Variants in EPB41L4A observed in about 807,000 individuals in gnomAD.
EPB41L4A encodes the protein erythrocyte membrane protein band 4.1 like 4A.
A neutral mutation model predicts 108.6 loss-of-function variants in EPB41L4A; 100 were observed. The observed-to-expected ratio is 0.92, with a 90% CI of 0.78 to 1.09. The LOEUF (loss-of-function observed/expected upper bound fraction) is 1.09, where lower values mean the gene tolerates loss of function less well. Ranked by LOEUF, EPB41L4A falls within the 50% of genes least tolerant of loss-of-function variation. The pLI, the probability that EPB41L4A is intolerant of heterozygous loss-of-function variation, is 0.00. For synonymous variants in EPB41L4A, 319 were observed against 289.0 expected (o/e 1.10, Z -1.05); for missense variants, 1,030 against 842.7 (o/e 1.22, Z -2.75).
intron 9 of EPB41L4A, among the ~76,000 whole-genome samples, chr5:112,241,216 C>A (rs944891492): frequency 3.2e-4 from 48 of 152,034 alleles, no homozygotes; most frequent in African/African-American, 1.1e-3. Flanking sequence ...CAGGGATGAA[C>A]AAGTCACACA....
chr5:112,153,576 TAGAG>T (rs67890908), intron 12 of EPB41L4A, among the ~76,000 whole-genome samples: 13 of 147,538 alleles, frequency 8.8e-5, no homozygotes, highest in African/African-American at 2.5e-4. Flanking sequence ...CATATATATA[TAGAG>T]AGAGAGAGAG....
chr5:112,365,247 T>C (rs2112506953), intron 1 of EPB41L4A, among the ~76,000 whole-genome samples: 1 of 152,280 alleles, frequency 6.6e-6, no homozygotes, highest in Non-Finnish European at 1.5e-5. Context: ...TGGAGTGCAG[T>C]GGCTATTCAC....
At chr5:112,411,224 G>C (rs920110292) in intron 1 of EPB41L4A, among the ~76,000 whole-genome samples, 2 of 152,082 alleles carry the variant, frequency 1.3e-5, no homozygotes, top group Non-Finnish European at 2.9e-5. Context: ...AGAAAATAAG[G>C]AAGTTGGGAC....
At chr5:112,355,629 G>A (rs534859134) in intron 1 of EPB41L4A, among the ~76,000 whole-genome samples, 8 of 152,158 alleles carry the variant, frequency 5.3e-5, no homozygotes, top group South Asian at 4.2e-4. Context: ...ACCCTCTCCC[G>A]ATACAACCAC....
rs185047379 is a variant in EPB41L4A at position 112,384,841 on chromosome 5, G to C, written c.99+34100C>G. Among the ~76,000 whole-genome samples, 11 of 152,268 alleles carry C rather than the reference G, an allele frequency of 7.2e-5. No homozygotes were observed. The East Asian group carries it at 1.3e-3, about 19-fold the overall frequency. Reference sequence around the variant, plus strand: ...GAAAAGAAATAATGGAATCACAATGGAATTTTGCCTCTGTTTTAGAGACAT... The same window carrying C: ...GAAAAGAAATAATGGAATCACAATGCAATTTTGCCTCTGTTTTAGAGACAT... On this transcript the variant is annotated intron_variant, in intron 1 of 22. Transcript: ENST00000261486.
At chr5:112,258,901 T>G (rs1751299451) in intron 9 of EPB41L4A, among the ~76,000 whole-genome samples, 1 of 152,204 alleles carries the variant, frequency 6.6e-6, no homozygotes, top group Admixed American at 6.5e-5. Flanking sequence ...GGCTATACCC[T>G]TCTGATTATA....
At chr5:112,277,567 A>T (rs1301031647) in intron 3 of EPB41L4A, among the ~76,000 whole-genome samples, 1 of 152,208 alleles carries the variant, frequency 6.6e-6, no homozygotes, top group Non-Finnish European at 1.5e-5. Flanking sequence ...TGCAAGGCAC[A>T]TTAAACTCCA....
At chr5:112,187,028 C>T (rs1422187302) in intron 17 of EPB41L4A, among the ~76,000 whole-genome samples, 4 of 152,136 alleles carry the variant, frequency 2.6e-5, no homozygotes, top group South Asian at 2.1e-4. Flanking sequence ...TTGCTCCTTT[C>T]CTGCTCTATT....
chr5:112,151,317 G>T (rs902297353), intron 12 of EPB41L4A, among the ~76,000 whole-genome samples: 3 of 149,218 alleles, frequency 2.0e-5, no homozygotes, highest in African/African-American at 7.4e-5. Flanking sequence ...TGGGGTAAAG[G>T]GTAGCTAGCA....
chr5:112,158,950 G>A (rs182608241), downstream of EPB41L4A, among the ~76,000 whole-genome samples: 31 of 152,280 alleles, frequency 2.0e-4, no homozygotes, highest in East Asian at 5.6e-3. Flanking sequence ...TGTGCCTTTC[G>A]CTGTCTTTAA....
intron 1 of EPB41L4A, among the ~76,000 whole-genome samples, chr5:112,342,397 G>A (rs1238200420): frequency 6.6e-6 from 1 of 152,144 alleles, no homozygotes; most frequent in African/African-American, 2.4e-5. Context: ...CATAGAAATT[G>A]TGCTCAGCAC....
chr5:112,369,843 G>A (rs1036774705), intron 1 of EPB41L4A, among the ~76,000 whole-genome samples: 4 of 152,094 alleles, frequency 2.6e-5, no homozygotes, highest in African/African-American at 7.2e-5. Flanking sequence ...AAGGCTCACT[G>A]GCCTCCACAC....
chr5:112,242,531 G>A (rs2150386560), intron 9 of EPB41L4A, among the ~76,000 whole-genome samples: 1 of 152,238 alleles, frequency 6.6e-6, no homozygotes, highest in African/African-American at 2.4e-5. Flanking sequence ...AAGTCATCGT[G>A]GGGGTAGAAA....
chr5:112,234,311 G>C (rs868745590), intron 12 of EPB41L4A, among the ~76,000 whole-genome samples: 1 of 151,862 alleles, frequency 6.6e-6, no homozygotes, highest in East Asian at 1.9e-4. Flanking sequence ...GGGCCCAGGA[G>C]GTCAAGGCAG....
chr5:112,345,822 C>T (rs79450954), intron 1 of EPB41L4A, among the ~76,000 whole-genome samples: 22,657 of 146,492 alleles, frequency 0.15, 1,847 homozygotes, highest in East Asian at 0.3. Context: ...CACACACACA[C>T]GCACACATAA....
chr5:112,179,906 C>T (rs1393769763), intron 18 of EPB41L4A, among the ~76,000 whole-genome samples: 2 of 152,020 alleles, frequency 1.3e-5, no homozygotes, highest in South Asian at 2.1e-4. Context: ...CGCAGAAAAT[C>T]GTAAGAAACT....
intron 1 of EPB41L4A, among the ~76,000 whole-genome samples, chr5:112,404,734 G>A (rs1761983314): frequency 6.6e-6 from 1 of 152,150 alleles, no homozygotes. Context: ...TTAAGTTCCG[G>A]ATGGTTAGAA....
At chr5:112,409,982 G>A (rs951066202) in intron 1 of EPB41L4A, among the ~76,000 whole-genome samples, 1 of 152,166 alleles carries the variant, frequency 6.6e-6, no homozygotes, top group Non-Finnish European at 1.5e-5. Flanking sequence ...AGGTGAGCAG[G>A]AAAGTACAAA....
In EPB41L4A at chr5:112,419,049, G is replaced by C. The variant is rs1372059230; in HGVS notation, c.-10C>G. 6.2e-7 allele frequency: 1 copy of C among 1,609,228 alleles called. No individual in the cohort carries two copies. Among genetic ancestry groups the C allele is most frequent in the East Asian group, 2.2e-5 (1 of 44,704 alleles). On this transcript the variant is annotated 5_prime_UTR_variant, in exon 1 of 23. Transcript: ENST00000261486. ...CGCAGAAACAGCCCATGTCGGTTGT[G>C]GTCGTCTCCAGCCAGGAGAGAAAGC...
Sources: allele counts gnomAD v4.1 joint callset (sites outside exome capture counted in the v4.1 genomes callset), GRCh38; gene constraint gnomAD v4.1.1; transcripts MANE v1.5; gene names NCBI Gene and HGNC (gene_info 2026-07-23, HGNC 2026-07-21).